Variants in PTPRN2 observed in about 807,000 individuals in gnomAD.
PTPRN2 encodes the protein protein tyrosine phosphatase receptor type N2.
PTPRN2 carries 74 observed loss-of-function variants against 118.8 expected under a neutral mutation model. The observed-to-expected ratio is 0.62, with a 90% CI of 0.52 to 0.76. The LOEUF (loss-of-function observed/expected upper bound fraction) is 0.76. PTPRN2 is among the 30% of genes least tolerant of loss of function. The pLI is 0.00. For synonymous variants in PTPRN2, 641 were observed against 608.0 expected (o/e 1.05, Z -0.80); for missense variants, 1,481 against 1,394.4 (o/e 1.06, Z -0.99).
intron 3 of PTPRN2, among the ~76,000 whole-genome samples, chr7:158,251,824 C>T (rs531076667): frequency 6.6e-6 from 1 of 152,068 alleles, no homozygotes; most frequent in Non-Finnish European, 1.5e-5. Flanking sequence ...AGACACACAC[C>T]TTAATAAAGC....
At chr7:157,989,785 A>G (rs920025) in intron 11 of PTPRN2, among the ~76,000 whole-genome samples, 107,872 of 152,016 alleles carry the variant, frequency 0.71, 38,552 homozygotes, top group Non-Finnish European at 0.74. Flanking sequence ...GGCTCAGGTA[A>G]CTCAAGGGAA....
chr7:157,882,016 T>G (rs4645466), intron 12 of PTPRN2, among the ~76,000 whole-genome samples: 1 of 151,620 alleles, frequency 6.6e-6, no homozygotes, highest in Non-Finnish European at 1.5e-5. Context: ...CAGAACATGC[T>G]GCCCCAAAAA....
chr7:158,358,756 T>G (rs994094413), intron 2 of PTPRN2, among the ~76,000 whole-genome samples: 10 of 152,226 alleles, frequency 6.6e-5, no homozygotes, highest in Admixed American at 6.5e-4. Context: ...ATGGTCAGGT[T>G]CACAGAAGGT....
chr7:158,491,785 T>C (rs1821467907), intron 1 of PTPRN2, among the ~76,000 whole-genome samples: 2 of 152,290 alleles, frequency 1.3e-5, no homozygotes, highest in South Asian at 2.1e-4. Context: ...CCACCGCGCC[T>C]GGCCAGCATT....
At chr7:158,421,782 T>C (rs1815276894) in intron 2 of PTPRN2, among the ~76,000 whole-genome samples, 1 of 152,212 alleles carries the variant, frequency 6.6e-6, no homozygotes, top group Non-Finnish European at 1.5e-5. Flanking sequence ...GTAAATGAGA[T>C]GGAACTGAAA....
chr7:157,541,848 G>A (rs1798028603), intron 22 of PTPRN2, among the ~76,000 whole-genome samples: 1 of 152,206 alleles, frequency 6.6e-6, no homozygotes, highest in Non-Finnish European at 1.5e-5. Flanking sequence ...TCAAAATAAC[G>A]TGATGCTCAT....
intron 2 of PTPRN2, among the ~76,000 whole-genome samples, chr7:158,323,470 C>G (rs531690379): frequency 6.6e-6 from 1 of 152,292 alleles, no homozygotes; most frequent in African/African-American, 2.4e-5. Flanking sequence ...TGCAGAGCAG[C>G]GGATGAACAG....
chr7:158,437,700 G>A (rs1214515772), intron 2 of PTPRN2, among the ~76,000 whole-genome samples: 1 of 152,178 alleles, frequency 6.6e-6, no homozygotes, highest in Non-Finnish European at 1.5e-5. Context: ...AGAAGTTCCT[G>A]AATTCCAGTT....
chr7:158,390,784 G>A (rs1811866760), intron 2 of PTPRN2, among the ~76,000 whole-genome samples: 1 of 152,192 alleles, frequency 6.6e-6, no homozygotes. Flanking sequence ...CCCCTTAACT[G>A]TCAGCTCCAC....
chr7:158,525,678 A>G lies in PTPRN2; in HGVS notation c.113-35893T>C, dbSNP rs1287924573. 1.3e-5 allele frequency among the ~76,000 whole-genome samples: 2 copies of G among 152,172 alleles called. No homozygotes were observed. Among genetic ancestry groups the G allele is most frequent in the African/African-American group, 4.8e-5 (2 of 41,442 alleles). On this transcript the variant is annotated intron_variant, in intron 1 of 22. Transcript: ENST00000389418. The surrounding 1 kb of genome is among the most constrained non-coding windows in gnomAD (Gnocchi z 4.1). Reference sequence around the variant, plus strand: ...GATTTTTAAAGATCCTTTCATGCACAATGAGTATTTATCTAATGTGCCCTC... The same window carrying G: ...GATTTTTAAAGATCCTTTCATGCACGATGAGTATTTATCTAATGTGCCCTC...
chr7:158,290,039 G>T (rs1420504945), intron 3 of PTPRN2, among the ~76,000 whole-genome samples: 10 of 152,198 alleles, frequency 6.6e-5, no homozygotes, highest in African/African-American at 2.4e-4. Context: ...TGGTGCTAGG[G>T]TAGGCCATAT....
chr7:157,673,628 C>T (rs1321701167), intron 13 of PTPRN2, among the ~76,000 whole-genome samples: 1 of 152,070 alleles, frequency 6.6e-6, no homozygotes, highest in Non-Finnish European at 1.5e-5. Flanking sequence ...TTCCATGCTC[C>T]TCTCCCGCCC....
chr7:157,972,167 G>A (rs528675993), intron 11 of PTPRN2, among the ~76,000 whole-genome samples: 1 of 152,322 alleles, frequency 6.6e-6, no homozygotes, highest in South Asian at 2.1e-4. Context: ...CAGCTTGGAA[G>A]TGTAAAAGGC....
At chr7:158,566,315 T>C (rs1827670481) in intron 1 of PTPRN2, among the ~76,000 whole-genome samples, 1 of 151,710 alleles carries the variant, frequency 6.6e-6, no homozygotes, top group Admixed American at 6.6e-5. Context: ...GATCGCACCA[T>C]TGCACTCCAG....
At chr7:157,940,321 C>G (rs919935021) in intron 11 of PTPRN2, among the ~76,000 whole-genome samples, 1 of 152,166 alleles carries the variant, frequency 6.6e-6, no homozygotes, top group Non-Finnish European at 1.5e-5. Context: ...ACTTTCAAAG[C>G]AAACTCTTTT....
intron 2 of PTPRN2, among the ~76,000 whole-genome samples, chr7:158,407,184 T>TCCC (rs1563254410): frequency 1.9e-4 from 6 of 32,158 alleles, no homozygotes; most frequent in East Asian, 1.1e-3. Context: ...TCCTGCGTCC[T>TCCC]GGGTCCTGGG....
At position 158,171,226 on chromosome 7, in the gene PTPRN2, CACACATATATAT is replaced by C. The variant is rs1563555090; in HGVS notation, c.550-3947_550-3936del. ...TACACTATATATACACACATATATACACACATATATATACACATATATACACACATATATATA... is the reference window on the plus strand; with the variant it reads ...TACACTATATATACACACATATATACACACATATATACACACATATATATA... On this transcript the variant is annotated intron_variant, in intron 5 of 22. Coordinates refer to ENST00000389418, the MANE Select transcript of PTPRN2 (RefSeq NM_002847.5). Among the ~76,000 whole-genome samples, 37 of 88,436 alleles carry C rather than the reference CACACATATATAT, an allele frequency of 4.2e-4. 2 individuals are homozygous for C. Among genetic ancestry groups the C allele is most frequent in the African/African-American group, 1.5e-3 (32 of 21,616 alleles). 58.0% of individuals were successfully genotyped at this position (88,436 alleles called of 152,430 possible).
chr7:158,007,948 G>T (rs1805758354), intron 11 of PTPRN2, among the ~76,000 whole-genome samples: 1 of 147,880 alleles, frequency 6.8e-6, no homozygotes, highest in Non-Finnish European at 1.5e-5. Context: ...TGCTGTGTGT[G>T]GGGGTGTGGG....
At chr7:157,796,339 G>A (rs765314773) in intron 12 of PTPRN2, among the ~76,000 whole-genome samples, 14 of 152,120 alleles carry the variant, frequency 9.2e-5, no homozygotes, top group African/African-American at 3.1e-4. Context: ...ACATTTTACC[G>A]GGATGGTGAC....
Sources: gnomAD v4.1 joint callset for allele counts (sites outside exome capture counted in the v4.1 genomes callset) on GRCh38, gnomAD v4.1.1 for gene constraint, Gnocchi (gnomAD v3.1) non-coding constraint, MANE v1.5 for transcripts, NCBI Gene and HGNC (gene_info 2026-07-23, HGNC 2026-07-21) for gene names.